AGMO: variants seen among roughly 807,000 people sequenced by gnomAD.
AGMO encodes the protein alkylglycerol monooxygenase.
In AGMO, 75 loss-of-function variants were observed where a neutral mutation model predicts 60.2. That is an observed-to-expected ratio of 1.25 (90% CI 1.03 to 1.51). AGMO has a LOEUF of 1.51. Among genes scored for constraint, AGMO ranks in the 40% most tolerant of loss-of-function variants. AGMO has a pLI of 0.00. For synonymous variants in AGMO, 261 were observed against 177.1 expected (o/e 1.47, Z -3.76); for missense variants, 763 against 525.5 (o/e 1.45, Z -4.42).
At chr7:15,414,111 C>T (rs1408071092) in intron 5 of AGMO, among the ~76,000 whole-genome samples, 2 of 151,808 alleles carry the variant, frequency 1.3e-5, no homozygotes, top group Non-Finnish European at 2.9e-5. Context: ...AGGTTCATGC[C>T]ATTCTCCTGC....
At chr7:15,142,986 G>T in the AGMO span, among the ~76,000 whole-genome samples, 1 of 152,108 alleles carries the variant, frequency 6.6e-6, no homozygotes, top group Admixed American at 6.6e-5. Flanking sequence ...CATAGCTCTT[G>T]ATCTCACAGT....
chr7:15,365,524 G>C lies in AGMO; in HGVS notation c.1253C>G (p.Ser418Cys), dbSNP rs1452225805. ...HLKPLVPSLSSAFEIVFSICI... is the reference protein window; with the variant it reads ...HLKPLVPSLSCAFEIVFSICI... Reference sequence around the variant, plus strand: ...AAACAAATGTCTTACCTCAAAAGCAGATGACAATGAAGGGACAAGAGGCTT... The same window carrying C: ...AAACAAATGTCTTACCTCAAAAGCACATGACAATGAAGGGACAAGAGGCTT... Residue 418 changes from serine (S) to cysteine (C), a missense_variant, in exon 12 of 13, where the codon TCT becomes TGT. By Grantham distance (112) the Ser-to-Cys change is moderately radical. Transcript: ENST00000342526. The C allele has an allele frequency of 6.2e-7, 1 of 1,610,836 alleles. No homozygotes were observed. Among genetic ancestry groups the C allele is most frequent in the Non-Finnish European group, 8.5e-7 (1 of 1,177,442 alleles).
intron 12 of AGMO, among the ~76,000 whole-genome samples, chr7:15,250,013 T>C (rs972094415): frequency 2.0e-5 from 3 of 152,228 alleles, no homozygotes; most frequent in African/African-American, 7.2e-5. Flanking sequence ...TATTCCCAGC[T>C]AGTAGACAAG....
chr7:15,224,522 G>C (rs1782018959), intron 12 of AGMO, among the ~76,000 whole-genome samples: 1 of 151,888 alleles, frequency 6.6e-6, no homozygotes, highest in African/African-American at 2.4e-5. Context: ...GCTGGCACCT[G>C]GGTCTTGGAC....
At chr7:15,285,601 G>C (rs377204671) in intron 12 of AGMO, among the ~76,000 whole-genome samples, 1 of 151,926 alleles carries the variant, frequency 6.6e-6, no homozygotes, top group African/African-American at 2.4e-5. Flanking sequence ...ACATATCCCA[G>C]GCCCTTGGAT....
chr7:15,366,124 G>C lies in AGMO; in HGVS notation c.1157+16C>G. ...TTGAGTAAAAGTAAAAACAATGCAA[G>C]AATTTCACTTCTTGCCTTTGATCCA... On this transcript the variant is annotated intron_variant, in intron 11 of 12. Transcript: ENST00000342526. 1 of 1,586,266 alleles carries C rather than the reference G, an allele frequency of 6.3e-7. No homozygotes were observed. The highest frequency in any genetic ancestry group is 8.6e-7 in the Non-Finnish European group (1 of 1,162,110).
intron 3 of AGMO, among the ~76,000 whole-genome samples, chr7:15,484,686 T>C (rs1782866061): frequency 6.6e-6 from 1 of 152,194 alleles, no homozygotes; most frequent in African/African-American, 2.4e-5. Context: ...TAAACTGAAC[T>C]AGTTCTAGAA....
chr7:15,327,371 C>T (rs1019974162), intron 12 of AGMO, among the ~76,000 whole-genome samples: 8 of 152,048 alleles, frequency 5.3e-5, no homozygotes, highest in African/African-American at 1.9e-4. Context: ...TAATCAGCTA[C>T]CAAAAGGCAT....
At chr7:15,338,144 T>A (rs1480870407) in intron 12 of AGMO, among the ~76,000 whole-genome samples, 1 of 152,184 alleles carries the variant, frequency 6.6e-6, no homozygotes, top group Non-Finnish European at 1.5e-5. Flanking sequence ...TTTCTCTGTG[T>A]AATATTATAA....
intron 3 of AGMO, among the ~76,000 whole-genome samples, chr7:15,462,178 A>G (rs1467076141): frequency 6.6e-6 from 1 of 152,172 alleles, no homozygotes; most frequent in Non-Finnish European, 1.5e-5. Flanking sequence ...AGAATATCAG[A>G]AAGCTAATTT....
chr7:15,163,378 T>A, the AGMO span, among the ~76,000 whole-genome samples: 1 of 152,048 alleles, frequency 6.6e-6, no homozygotes, highest in Non-Finnish European at 1.5e-5. Context: ...GTGGTGAGAG[T>A]GGACATCTTT....
chr7:15,336,684 T>C (rs1339954355), intron 12 of AGMO, among the ~76,000 whole-genome samples: 2 of 152,190 alleles, frequency 1.3e-5, no homozygotes, highest in Admixed American at 1.3e-4. Context: ...TTCTGCTACT[T>C]TGTGTGTTCT....
At chr7:15,277,391 C>T (rs142041886) in intron 12 of AGMO, among the ~76,000 whole-genome samples, 2,467 of 152,122 alleles carry the variant, frequency 0.016, 24 homozygotes, top group Middle Eastern at 0.034. Flanking sequence ...CAGTTAGGGT[C>T]TATTACTAGA....
intron 12 of AGMO, among the ~76,000 whole-genome samples, chr7:15,273,656 AAG>A (rs1384276403): frequency 1.3e-5 from 2 of 152,170 alleles, no homozygotes; most frequent in Non-Finnish European, 2.9e-5. Flanking sequence ...CAACTCTGTG[AAG>A]AAAGTCACTG....
chr7:15,536,649 A>G (rs1784489479), intron 3 of AGMO, among the ~76,000 whole-genome samples: 1 of 151,942 alleles, frequency 6.6e-6, no homozygotes, highest in Non-Finnish European at 1.5e-5. Flanking sequence ...GGGTTGGTAC[A>G]AGATAAGTGG....
intron 5 of AGMO, among the ~76,000 whole-genome samples, chr7:15,414,762 TAATC>T (rs1037036824): frequency 6.6e-6 from 1 of 152,180 alleles, no homozygotes; most frequent in African/African-American, 2.4e-5. Flanking sequence ...AAAGCTATGA[TAATC>T]AATAAATTGA....
chr7:15,558,022 C>T (rs1267975620), intron 2 of AGMO, among the ~76,000 whole-genome samples: 1 of 150,588 alleles, frequency 6.6e-6, no homozygotes, highest in Admixed American at 6.6e-5. Flanking sequence ...TCTCTCTCCC[C>T]CCTTTCCCCT....
chr7:15,179,294 C>T, the AGMO span, among the ~76,000 whole-genome samples: 1 of 152,088 alleles, frequency 6.6e-6, no homozygotes, highest in Non-Finnish European at 1.5e-5. Flanking sequence ...ATGAGTGACA[C>T]TAAAGGCACC....
At chr7:15,561,025 T>C (rs1785288691) in intron 1 of AGMO, among the ~76,000 whole-genome samples, 1 of 152,212 alleles carries the variant, frequency 6.6e-6, no homozygotes, top group South Asian at 2.1e-4. Flanking sequence ...AATCATGAGT[T>C]TTGAAGCTTT....
Sources: gnomAD v4.1 joint callset for allele counts (sites outside exome capture counted in the v4.1 genomes callset) on GRCh38, gnomAD v4.1.1 for gene constraint, MANE v1.5 for transcripts, NCBI Gene and HGNC (gene_info 2026-07-23, HGNC 2026-07-21) for gene names.